Variants in DOK5 observed in about 807,000 individuals in gnomAD.
The protein encoded by DOK5 is downstream of tyrosine kinase 5.
In DOK5, 27 loss-of-function variants were observed where a neutral mutation model predicts 43.3. The observed-to-expected ratio is 0.62, with a 90% CI of 0.46 to 0.86. The LOEUF is 0.86. DOK5 is among the 40% of genes least tolerant of loss of function. The pLI, the probability that DOK5 is intolerant of heterozygous loss-of-function variation, is 0.00. For synonymous variants in DOK5, 146 were observed against 140.1 expected, an observed-to-expected ratio of 1.04 and a Z score of -0.30; for missense variants, 373 against 392.9, an observed-to-expected ratio of 0.95 and a Z score of 0.43.
At chr20:54,558,443 C>T (rs1021315131) in intron 2 of DOK5, among the ~76,000 whole-genome samples, 1 of 152,012 alleles carries the variant, frequency 6.6e-6, no homozygotes, top group African/African-American at 2.4e-5. Context: ...GCCTCCAAGC[C>T]CTTGATGAAT....
intron 5 of DOK5, 45 bp from the exon 6 acceptor site, chr20:54,610,343 C>A (rs1192794325): frequency 6.9e-7 from 1 of 1,455,798 alleles, no homozygotes; most frequent in Non-Finnish European, 9.1e-7. Flanking sequence ...CATTGAACTT[C>A]TAGGCGCTGG....
At chr20:54,564,756 C>T (rs55638072) in intron 2 of DOK5, among the ~76,000 whole-genome samples, 8,503 of 152,280 alleles carry the variant, frequency 0.056, 270 homozygotes, top group Non-Finnish European at 0.076. Context: ...CTGTGAGTTG[C>T]AAGTACAAGG....
At chr20:54,590,594 A>G (rs957286437) in intron 4 of DOK5, among the ~76,000 whole-genome samples, 1 of 152,214 alleles carries the variant, frequency 6.6e-6, no homozygotes, top group Admixed American at 6.5e-5. Context: ...TATTGAGAAT[A>G]TGAAATAATT....
intron 4 of DOK5, among the ~76,000 whole-genome samples, 171 bp from the exon 5 acceptor site, chr20:54,591,445 A>G (rs983324530): frequency 1.3e-5 from 2 of 152,254 alleles, no homozygotes; most frequent in Non-Finnish European, 2.9e-5. Context: ...ATCTGCATTT[A>G]AGAAATTATT....
chr20:54,612,242 T>G (rs1986673083), intron 6 of DOK5, among the ~76,000 whole-genome samples: 1 of 152,170 alleles, frequency 6.6e-6, no homozygotes, highest in South Asian at 2.1e-4. Flanking sequence ...GAGCTTATAC[T>G]TGGAAAAGAG....
At chr20:54,489,237 G>C (rs1982067047) in intron 1 of DOK5, among the ~76,000 whole-genome samples, 1 of 152,120 alleles carries the variant, frequency 6.6e-6, no homozygotes, top group Admixed American at 6.5e-5. Context: ...TTTTGGAGTA[G>C]GTAATATGTA....
At chr20:54,613,603 G>T (rs980378991) in intron 6 of DOK5, among the ~76,000 whole-genome samples, 1 of 152,060 alleles carries the variant, frequency 6.6e-6, no homozygotes, top group African/African-American at 2.4e-5. Context: ...CTAGCTTTTT[G>T]CAAGAAAATG....
rs552874619 is a variant in DOK5, at chr20:54,615,029, C to T, written c.735+4506C>T. Among the ~76,000 whole-genome samples, 158 of 152,324 alleles carry T rather than the reference C, an allele frequency of 1.0e-3. 1 individual carries two copies. The highest frequency in any genetic ancestry group is 3.7e-3 in the Admixed American group (57 of 15,302). ...TTCTATGAGATGGCCAAGTTCATAACCGGAGAAAGACGGCAAAACTCATAT... is the reference window on the plus strand; with the variant it reads ...TTCTATGAGATGGCCAAGTTCATAATCGGAGAAAGACGGCAAAACTCATAT... On this transcript the variant is annotated intron_variant, in intron 6 of 7. Coordinates refer to ENST00000262593, the MANE Select transcript of DOK5 (RefSeq NM_018431.5).
chr20:54,546,009 A>G (rs561750363), intron 1 of DOK5, among the ~76,000 whole-genome samples: 1 of 152,348 alleles, frequency 6.6e-6, no homozygotes, highest in East Asian at 1.9e-4. Flanking sequence ...CATCCCTAAG[A>G]GTCCAACTTT....
At chr20:54,489,805 C>T (rs776492087) in intron 1 of DOK5, among the ~76,000 whole-genome samples, 2 of 152,060 alleles carry the variant, frequency 1.3e-5, no homozygotes, top group Non-Finnish European at 2.9e-5. Flanking sequence ...TATAGACCAC[C>T]CCTCATCATA....
In DOK5 at chr20:54,605,930, A is replaced by G. The variant is rs767170813; in HGVS notation, c.600-4458A>G. Among the ~76,000 whole-genome samples the G allele has an allele frequency of 5.5e-4, 83 of 152,236 alleles. 1 individual carries two copies. The highest frequency in any genetic ancestry group is 1.0e-3 in the Non-Finnish European group (70 of 68,044). ...AATCTAGGTGAGAGTTCTTAGCATTACATTTGTTTACATATAAAAATGCAG... is the reference window on the plus strand; with the variant it reads ...AATCTAGGTGAGAGTTCTTAGCATTGCATTTGTTTACATATAAAAATGCAG... On this transcript the variant is annotated intron_variant, in intron 5 of 7. Transcript: ENST00000262593.
chr20:54,501,281 C>T (rs562046073), intron 1 of DOK5, among the ~76,000 whole-genome samples: 1 of 151,780 alleles, frequency 6.6e-6, no homozygotes, highest in Non-Finnish European at 1.5e-5. Context: ...TCCTGGCTAA[C>T]ACGATGAAAC....
rs1056915801 is a variant in DOK5, at chr20:54,504,510, G to A, written c.66+28498G>A. Among the ~76,000 whole-genome samples, 26 of 152,270 alleles carry A rather than the reference G, an allele frequency of 1.7e-4. 3 individuals carry two copies. In the South Asian group the frequency reaches 5.2e-3, roughly 30 times the overall value. ...GAACTTCTCCTTGACTCACTCAGAA[G>A]GACTGACATGAAAAATGAGTATCTT... On this transcript the variant is annotated intron_variant, in intron 1 of 7. Transcript: ENST00000262593.
chr20:54,614,490 G>A (rs1321437709), intron 6 of DOK5, among the ~76,000 whole-genome samples: 6 of 152,190 alleles, frequency 3.9e-5, no homozygotes, highest in Admixed American at 2.0e-4. Flanking sequence ...GTCTAAGATT[G>A]TCTTGTTCGT....
intron 1 of DOK5, among the ~76,000 whole-genome samples, chr20:54,515,291 G>T (rs951829816): frequency 2.0e-5 from 3 of 152,270 alleles, no homozygotes; most frequent in African/African-American, 7.2e-5. Flanking sequence ...TGGATTACAG[G>T]CATGAGCCAC....
At chr20:54,500,142 A>G (rs975315586) in intron 1 of DOK5, among the ~76,000 whole-genome samples, 2 of 152,240 alleles carry the variant, frequency 1.3e-5, no homozygotes, top group Admixed American at 6.5e-5. Flanking sequence ...TAAGGAAACT[A>G]AAGTGAATGC....
intron 6 of DOK5, among the ~76,000 whole-genome samples, chr20:54,642,549 C>CAAAAAAAAA (rs66463305): frequency 3.6e-3 from 344 of 95,686 alleles, no homozygotes; most frequent in Middle Eastern, 7.9e-3. Context: ...ACTAAAAATA[C>CAAAAAAAAA]AAAAAAAAAA....
intron 1 of DOK5, among the ~76,000 whole-genome samples, chr20:54,515,010 A>T (rs1983148103): frequency 1.3e-5 from 2 of 151,524 alleles, no homozygotes; most frequent in African/African-American, 4.9e-5. Context: ...GATATGTATT[A>T]GTTATAATTT....
chr20:54,623,314 A>T (rs1987043084), intron 6 of DOK5, among the ~76,000 whole-genome samples: 1 of 152,130 alleles, frequency 6.6e-6, no homozygotes, highest in Admixed American at 6.5e-5. Context: ...GCCAAGGTTG[A>T]GAACGCTTGC....
Sources: allele counts gnomAD v4.1 joint callset (sites outside exome capture counted in the v4.1 genomes callset), GRCh38; gene constraint gnomAD v4.1.1; transcripts MANE v1.5; gene names NCBI Gene and HGNC (gene_info 2026-07-23, HGNC 2026-07-21).